DSCAML1: variants seen among roughly 807,000 people sequenced by gnomAD.
DSCAML1 encodes the protein cell adhesion molecule DSCAML1.
Under a neutral mutation model 200.5 loss-of-function variants are expected in DSCAML1, and 38 were observed. The ratio of observed to expected loss-of-function variants is 0.19; its 90% confidence interval spans 0.15 to 0.25. The LOEUF (loss-of-function observed/expected upper bound fraction) is 0.25, where lower values mean the gene tolerates loss of function less well. Ranked by LOEUF, DSCAML1 falls within the 10% of genes least tolerant of loss-of-function variation. DSCAML1 has a pLI of 1.00. For missense variants in DSCAML1, 2,223 were observed against 2,858.8 expected, an observed-to-expected ratio of 0.78 and a Z score of 5.07; for synonymous variants, 1,215 against 1,165.0, an observed-to-expected ratio of 1.04 and a Z score of -0.87.
chr11:117,793,064 T>G (rs1033536442), intron 1 of DSCAML1, among the ~76,000 whole-genome samples: 1 of 152,162 alleles, frequency 6.6e-6, no homozygotes, highest in African/African-American at 2.4e-5. Context: ...AGGAAGCCAA[T>G]GACTGGCTGC....
Position 117,437,874 on chromosome 11 carries a change from C to A in DSCAML1, c.4432+21G>T. The A allele has an allele frequency of 6.3e-7, 1 of 1,589,424 alleles. No individual in the cohort carries two copies. The highest frequency in any genetic ancestry group is 8.5e-7 in the Non-Finnish European group (1 of 1,170,762). ...CCCTGGGCCCATCGCTCCTTCCCTG[C>A]CCCAGTGGCCTGGGCCTCACCCCGC... On this transcript the variant is annotated intron_variant, in intron 25 of 32. Coordinates refer to ENST00000651296, the MANE Select transcript of DSCAML1 (RefSeq NM_020693.4). The surrounding 1 kb of genome is among the most constrained non-coding windows in gnomAD (Gnocchi z 5.3).
chr11:117,469,980 G>A lies in DSCAML1; in HGVS notation c.2954C>T (p.Ala985Val). ...KELTISTEEAAPDGPPMDVTL... is the reference protein window; with the variant it reads ...KELTISTEEAVPDGPPMDVTL... The stretch of plus-strand genomic sequence containing the variant: ...AACATCCATGGGGGGCCCATCGGGA[G>A]CTGAGCAGGGTAGCGGGGAGGAGAA... The change falls in exon 16 of 33, where the codon GCT (alanine) becomes GTT (valine). Residue 985 changes from alanine to valine, a missense_variant and splice_region_variant. Physicochemically the swap from Ala to Val is moderately conservative, Grantham distance 64 (BLOSUM62 0). Transcript: ENST00000651296. This position sits in a 1 kb window ranked among gnomAD's most constrained non-coding sequence, Gnocchi z 4.1. The A allele has an allele frequency of 6.2e-7, 1 of 1,603,634 alleles. No individual in the cohort carries two copies. The highest frequency in any genetic ancestry group is 8.5e-7 in the Non-Finnish European group (1 of 1,173,300).
intron 3 of DSCAML1, among the ~76,000 whole-genome samples, chr11:117,540,288 C>T (rs2050243913): frequency 6.6e-6 from 1 of 152,198 alleles, no homozygotes; most frequent in Non-Finnish European, 1.5e-5. Flanking sequence ...TAGATTCTCA[C>T]AGGAGTGCGA....
intron 3 of DSCAML1, among the ~76,000 whole-genome samples, chr11:117,760,259 C>G (rs1047759014): frequency 1.3e-5 from 2 of 152,184 alleles, no homozygotes; most frequent in African/African-American, 2.4e-5. Flanking sequence ...TTCTTCAGAT[C>G]GTTTTTAGAA....
rs989354261 is a variant in DSCAML1 at position 117,809,271 on chromosome 11, C to T, written c.-250+8119G>A. 1.2e-4 allele frequency among the ~76,000 whole-genome samples: 19 copies of T among 152,216 alleles called. 1 individual carries two copies. The highest frequency in any genetic ancestry group is 2.4e-5 in the African/African-American group (1 of 41,460). On this transcript the variant is annotated intron_variant, in intron 1 of 2. Coordinates refer to the DSCAML1 transcript ENST00000525836. Reference sequence around the variant, plus strand: ...GGGCAGGTCCTGGGAGGCCAGCTGCCGCGTCTGCACTCCTGGAAAGTGCAG... The same window carrying T: ...GGGCAGGTCCTGGGAGGCCAGCTGCTGCGTCTGCACTCCTGGAAAGTGCAG...
chr11:117,457,164 G>A (rs916817861), intron 19 of DSCAML1, among the ~76,000 whole-genome samples: 4 of 152,220 alleles, frequency 2.6e-5, no homozygotes, highest in African/African-American at 9.6e-5. Flanking sequence ...CACTTCCGCT[G>A]TATTTACCAG....
At chr11:117,677,855 C>T (rs1341600305) in intron 3 of DSCAML1, among the ~76,000 whole-genome samples, 1 of 152,180 alleles carries the variant, frequency 6.6e-6, no homozygotes. Context: ...GGGACACAAC[C>T]CCAGGCAGCC....
intron 3 of DSCAML1, among the ~76,000 whole-genome samples, chr11:117,729,784 C>T (rs2054188978): frequency 6.6e-6 from 1 of 152,194 alleles, no homozygotes; most frequent in Non-Finnish European, 1.5e-5. Flanking sequence ...ATCCTAATCC[C>T]CTAGAACAGG....
intron 21 of DSCAML1, among the ~76,000 whole-genome samples, chr11:117,442,285 GTA>G (rs1265572746): frequency 5.3e-5 from 8 of 150,948 alleles, no homozygotes; most frequent in East Asian, 2.0e-4. Context: ...TGTATAGTGT[GTA>G]TGTGTGTATA....
chr11:117,479,266 G>A (rs2048859820), intron 14 of DSCAML1, among the ~76,000 whole-genome samples: 1 of 152,234 alleles, frequency 6.6e-6, no homozygotes, highest in Admixed American at 6.5e-5. Context: ...TTCCATCTAA[G>A]TAAGGACCCA....
intron 3 of DSCAML1, among the ~76,000 whole-genome samples, chr11:117,566,339 T>TC (rs58603683): frequency 0.091 from 10,655 of 117,230 alleles, 452 homozygotes; most frequent in Middle Eastern, 0.17. Context: ...CTTTCTTTTC[T>TC]TTCTCTCTCT....
At chr11:117,464,437 G>T (rs1327481802) in intron 17 of DSCAML1, among the ~76,000 whole-genome samples, 4 of 152,122 alleles carry the variant, frequency 2.6e-5, no homozygotes, top group African/African-American at 9.7e-5. Flanking sequence ...AGAGTGTGGG[G>T]TTCTCTCCAG....
At chr11:117,714,826 G>GGAAAAA (rs10684152) in intron 3 of DSCAML1, among the ~76,000 whole-genome samples, 1,897 of 115,386 alleles carry the variant, frequency 0.016, 192 homozygotes, top group Non-Finnish European at 0.021. Context: ...TCATCTTGAG[G>GGAAAAA]AAAAAAAAAA....
At chr11:117,587,559 A>G (rs1293389169) in intron 3 of DSCAML1, among the ~76,000 whole-genome samples, 1 of 152,140 alleles carries the variant, frequency 6.6e-6, no homozygotes, top group Non-Finnish European at 1.5e-5. Context: ...GGGACTGCCC[A>G]GAAGAGATGA....
chr11:117,726,417 T>G (rs767627495), intron 3 of DSCAML1, among the ~76,000 whole-genome samples: 5 of 152,044 alleles, frequency 3.3e-5, no homozygotes, highest in Admixed American at 6.6e-5. Context: ...AAAAATCCCT[T>G]AGGTAACATT....
At chr11:117,629,917 G>A (rs887895329) in intron 3 of DSCAML1, among the ~76,000 whole-genome samples, 32 of 152,280 alleles carry the variant, frequency 2.1e-4, no homozygotes, top group African/African-American at 6.5e-4. Flanking sequence ...GGAGTTCAGG[G>A]TTGAGACTGC....
chr11:117,502,389 G>C (rs1256445794), intron 11 of DSCAML1, among the ~76,000 whole-genome samples: 1 of 152,218 alleles, frequency 6.6e-6, no homozygotes, highest in Non-Finnish European at 1.5e-5. Context: ...TTGCAGAGGT[G>C]CCTGCTCTTC....
At chr11:117,567,710 C>A (rs1165306974) in intron 3 of DSCAML1, among the ~76,000 whole-genome samples, 2 of 152,186 alleles carry the variant, frequency 1.3e-5, no homozygotes, top group Non-Finnish European at 2.9e-5. Flanking sequence ...ATAACAGGAG[C>A]TGAAATTGTG....
intron 20 of DSCAML1, 77 bp from the exon 21 acceptor site, chr11:117,444,116 G>A (rs920805602): frequency 1.4e-5 from 21 of 1,500,788 alleles, no homozygotes; most frequent in Non-Finnish European, 1.8e-5. Flanking sequence ...CAGTGCCCGG[G>A]GCTCAGAGGA....
Sources: allele counts gnomAD v4.1 joint callset (sites outside exome capture counted in the v4.1 genomes callset), GRCh38; gene constraint gnomAD v4.1.1; non-coding constraint Gnocchi (gnomAD v3.1); transcripts MANE v1.5; gene names NCBI Gene and HGNC (gene_info 2026-07-23, HGNC 2026-07-21).